The following BCL11A variants were observed in gnomAD, a reference collection of about 807,000 sequenced individuals.
BCL11A encodes BCL11 transcription factor A, also known as B cell CLL/lymphoma 11A.
Under a neutral mutation model 55.9 loss-of-function variants are expected in BCL11A, and 2 were observed. The ratio of observed to expected loss-of-function variants is 0.04; its 90% CI spans 0.01 to 0.11. The LOEUF is 0.11. Among genes scored for constraint, BCL11A ranks in the 10% least tolerant of loss-of-function variants. The pLI is 1.00. For synonymous variants in BCL11A, 465 were observed against 473.4 expected, an observed-to-expected ratio of 0.98 and a Z score of 0.23; for missense variants, 817 against 1,137.1, an observed-to-expected ratio of 0.72 and a Z score of 4.05.
Position 60,468,712 on chromosome 2 carries a change from A to T in BCL11A, c.487+20T>A. On this transcript the variant is annotated intron_variant, in intron 3 of 3. Coordinates refer to ENST00000642384, the MANE Select transcript of BCL11A (RefSeq NM_022893.4). ...CTCTATACACATGGACATTTGTAGA[A>T]GAAATAAGGCTCAACTTACAAATAC... 3 of 1,568,610 alleles carry T rather than the reference A, an allele frequency of 1.9e-6. No homozygotes were observed. The highest frequency in any genetic ancestry group is 1.3e-5 in the African/African-American group (1 of 74,078).
At chr2:60,510,568 AC>A (rs1679925641) in intron 2 of BCL11A, among the ~76,000 whole-genome samples, 1 of 152,118 alleles carries the variant, frequency 6.6e-6, no homozygotes, top group African/African-American at 2.4e-5. Context: ...TATATAATTC[AC>A]ATATTTATTG....
intron 2 of BCL11A, chr2:60,484,067 C>T (rs1678124028): frequency 6.6e-6 from 1 of 152,192 alleles, no homozygotes; most frequent in Non-Finnish European, 1.5e-5. Flanking sequence ...AATTAGAAAG[C>T]CCTCAGATTT....
At chr2:60,473,485 A>G (rs747706037) in intron 2 of BCL11A, among the ~76,000 whole-genome samples, 1 of 152,148 alleles carries the variant, frequency 6.6e-6, no homozygotes, top group Non-Finnish European at 1.5e-5. Context: ...CTTCTAGACT[A>G]CACTTAAAAT....
chr2:60,466,925 T>A (rs886327547), intron 3 of BCL11A, among the ~76,000 whole-genome samples: 1 of 152,244 alleles, frequency 6.6e-6, no homozygotes, highest in Non-Finnish European at 1.5e-5. Flanking sequence ...GCATGATTCA[T>A]ACCATGTGTT....
At chr2:60,547,355 A>T (rs1670202027) in intron 1 of BCL11A, among the ~76,000 whole-genome samples, 1 of 152,142 alleles carries the variant, frequency 6.6e-6, no homozygotes, top group Admixed American at 6.5e-5. Flanking sequence ...TGGTATAACA[A>T]GGTAGACATG....
intron 2 of BCL11A, among the ~76,000 whole-genome samples, chr2:60,490,234 G>C (rs1177070201): frequency 6.6e-6 from 1 of 152,158 alleles, no homozygotes. Flanking sequence ...GGGTATAACA[G>C]AGAATTTCAA....
chr2:60,455,842 T>C (rs1675912226), downstream of BCL11A, among the ~76,000 whole-genome samples: 1 of 152,160 alleles, frequency 6.6e-6, no homozygotes, highest in African/African-American at 2.4e-5. Flanking sequence ...GGCATGGCAC[T>C]GGGGAATTAT....
chr2:60,458,093 T>A lies in BCL11A; in HGVS notation c.*2311A>T. ...TACCTTTTAAGAGAACAAGCAACAG[T>A]TAAAAATACAAGCTTCAATATAAAT... On this transcript the variant is annotated 3_prime_UTR_variant, in exon 4 of 4. Coordinates refer to ENST00000642384, the MANE Select transcript of BCL11A (RefSeq NM_022893.4). The A allele has an allele frequency of 9.7e-7, 1 of 1,032,532 alleles. No homozygotes were observed. The highest frequency in any genetic ancestry group is 1.2e-6 in the Non-Finnish European group (1 of 858,086). 64.0% of individuals were successfully genotyped at this position (1,032,532 alleles called of 1,614,324 possible). A position where few individuals can be genotyped will look rare whatever the true frequency, so the allele number is the denominator to read the frequency against.
intron 3 of BCL11A, among the ~76,000 whole-genome samples, chr2:60,465,612 A>C (rs982724397): frequency 6.6e-6 from 1 of 152,254 alleles, no homozygotes; most frequent in African/African-American, 2.4e-5. Context: ...AGGAGGTCTG[A>C]GACTGGAGGC....
chr2:60,519,273 T>A lies in BCL11A; in HGVS notation c.385+26698A>T, dbSNP rs1251067621. 3.3e-5 allele frequency among the ~76,000 whole-genome samples: 5 copies of A among 152,314 alleles called. No homozygotes were observed. The East Asian group carries it at 9.6e-4, about 29-fold the overall frequency. On this transcript the variant is annotated intron_variant, in intron 2 of 3. Coordinates refer to ENST00000642384, the MANE Select transcript of BCL11A (RefSeq NM_022893.4). The stretch of plus-strand genomic sequence containing the variant: ...CACCTTTAAGGCATTTTGCGGTCTT[T>A]TTGATTCTATAACCTCCATATTGAG...
chr2:60,458,234 A>G lies in BCL11A; in HGVS notation c.*2170T>C. On this transcript the variant is annotated 3_prime_UTR_variant, in exon 4 of 4. Coordinates refer to ENST00000642384, the MANE Select transcript of BCL11A (RefSeq NM_022893.4). The stretch of plus-strand genomic sequence containing the variant: ...TCAACATGAGTGTGCATTTTCCTAT[A>G]TTTAAGTACTATATAATCTTAAACC... 9.8e-7 allele frequency: 1 copy of G among 1,023,600 alleles called. No homozygotes were observed. The highest frequency in any genetic ancestry group is 1.2e-6 in the Non-Finnish European group (1 of 852,026). 63.4% of individuals were successfully genotyped at this position (1,023,600 alleles called of 1,614,324 possible).
intron 2 of BCL11A, among the ~76,000 whole-genome samples, chr2:60,477,691 G>A (rs529168698): frequency 6.6e-6 from 1 of 152,224 alleles, no homozygotes; most frequent in African/African-American, 2.4e-5. Context: ...TGGAAACAGG[G>A]GCAGTGGTGC....
At chr2:60,468,050 C>CTTTGTGGTGATGGTGA (rs373325713) in intron 3 of BCL11A, among the ~76,000 whole-genome samples, 1 of 9,260 alleles carries the variant, frequency 1.1e-4, no homozygotes, top group Non-Finnish European at 2.1e-4. Context: ...GGTGATGGTA[C>CTTTGTGGTGATGGTGA]TGGTGGTGAT....
chr2:60,530,829 T>TA (rs1267912134), intron 2 of BCL11A, among the ~76,000 whole-genome samples: 1 of 152,090 alleles, frequency 6.6e-6, no homozygotes, highest in African/African-American at 2.4e-5. Context: ...CACCTCCCAC[T>TA]ACCCCTCCTG....
chr2:60,488,521 C>T (rs1678418084), intron 2 of BCL11A, among the ~76,000 whole-genome samples: 1 of 152,182 alleles, frequency 6.6e-6, no homozygotes. Context: ...TTTGCTGACA[C>T]AGAACTCAGT....
At chr2:60,547,919 A>G (rs1670227293) in intron 1 of BCL11A, among the ~76,000 whole-genome samples, 1 of 152,212 alleles carries the variant, frequency 6.6e-6, no homozygotes, top group Non-Finnish European at 1.5e-5. Flanking sequence ...ACATAAGGTC[A>G]CCACAGGAAT....
intron 2 of BCL11A, among the ~76,000 whole-genome samples, chr2:60,530,853 C>G (rs1183757025): frequency 6.6e-6 from 1 of 152,150 alleles, no homozygotes; most frequent in Non-Finnish European, 1.5e-5. Context: ...CTTCTCTGTT[C>G]TCCTACCTCT....
At chr2:60,541,072 C>T (rs998300809) in intron 2 of BCL11A, among the ~76,000 whole-genome samples, 57 of 151,718 alleles carry the variant, frequency 3.8e-4, no homozygotes, top group African/African-American at 1.2e-3. Context: ...CCCCTCTGCT[C>T]CTGTTCTTGA....
Position 60,489,118 on chromosome 2 carries a change from T to A in BCL11A, c.386-20285A>T, listed in dbSNP as rs151250594. 1.8e-4 allele frequency among the ~76,000 whole-genome samples: 27 copies of A among 152,244 alleles called. No homozygotes were observed. In the East Asian group the frequency reaches 5.0e-3, roughly 28 times the overall value. On this transcript the variant is annotated intron_variant, in intron 2 of 3. Transcript: ENST00000642384. ...AATGCTGTGTGTCCTAAATAATAGG[T>A]GGTCAAAATGTTTCTAAAGGGTACC...
Sources: allele counts gnomAD v4.1 joint callset (sites outside exome capture counted in the v4.1 genomes callset), GRCh38; gene constraint gnomAD v4.1.1; transcripts MANE v1.5; gene names NCBI Gene and HGNC (gene_info 2026-07-23, HGNC 2026-07-21).